Variants in UBE2QL1 observed in about 807,000 individuals in gnomAD.
The protein encoded by UBE2QL1 is ubiquitin-conjugating enzyme E2Q-like protein 1.
Under a neutral mutation model 12.6 loss-of-function variants are expected in UBE2QL1, and 5 were observed. That is an observed-to-expected ratio of 0.40 (90% CI 0.21 to 0.83). UBE2QL1 has a LOEUF of 0.83. UBE2QL1 is among the 40% of genes least tolerant of loss of function. The probability of loss-of-function intolerance (pLI) is 0.37; values close to 1 mark genes in which losing one functional copy is unlikely to be tolerated. For synonymous variants in UBE2QL1, 96 were observed against 94.5 expected, an observed-to-expected ratio of 1.02 and a Z score of -0.10; for missense variants, 99 against 222.6, an observed-to-expected ratio of 0.44 and a Z score of 3.53.
In UBE2QL1 at chr5:6,494,749, A is replaced by G. The variant is rs1202059791; in HGVS notation, c.*3400A>G. ...GTTAAAATACACATACCTGGTAATC[A>G]TATACTTGCTTTCTGTCCCCAGTTC... is the stretch of plus-strand genomic sequence containing the variant. On this transcript the variant is annotated 3_prime_UTR_variant, in exon 2 of 2. Coordinates refer to ENST00000399816, the MANE Select transcript of UBE2QL1 (RefSeq NM_001145161.3). 1 of 152,228 alleles carries G rather than the reference A, an allele frequency of 6.6e-6. No homozygotes were observed. Among genetic ancestry groups the G allele is most frequent in the Non-Finnish European group, 1.5e-5 (1 of 68,048 alleles). 9.4% of individuals were successfully genotyped at this position (152,228 alleles called of 1,614,324 possible). A position where few individuals can be genotyped will look rare whatever the true frequency, so the allele number is the denominator to read the frequency against.
intron 1 of UBE2QL1, among the ~76,000 whole-genome samples, chr5:6,476,000 T>G (rs867161478): frequency 1.3e-5 from 2 of 152,234 alleles, no homozygotes; most frequent in Admixed American, 1.3e-4. Flanking sequence ...ACACTTATTT[T>G]TTAAAGTATA....
chr5:6,456,802 G>A (rs2657020), intron 1 of UBE2QL1, among the ~76,000 whole-genome samples: 31,137 of 151,996 alleles, frequency 0.2, 3,468 homozygotes, highest in East Asian at 0.45. Context: ...TCAGGTGGCA[G>A]AGGATTGTGA....
chr5:6,472,778 C>A (rs775847765), intron 1 of UBE2QL1, among the ~76,000 whole-genome samples: 6 of 152,160 alleles, frequency 3.9e-5, no homozygotes, highest in Non-Finnish European at 8.8e-5. Context: ...AAAAGCCCTC[C>A]CTAATTTTGA....
At chr5:6,490,583 C>T (rs558333597) in intron 1 of UBE2QL1, among the ~76,000 whole-genome samples, 2 of 152,204 alleles carry the variant, frequency 1.3e-5, no homozygotes, top group Non-Finnish European at 2.9e-5. Flanking sequence ...GGATGGGTCT[C>T]TTCTTCCATG....
intron 1 of UBE2QL1, among the ~76,000 whole-genome samples, chr5:6,452,026 A>T (rs1739421822): frequency 6.6e-6 from 1 of 152,152 alleles, no homozygotes; most frequent in African/African-American, 2.4e-5. Flanking sequence ...CTTTTTTAGG[A>T]TGCATTTTCA....
At chr5:6,490,817 G>A (rs996422891) in intron 1 of UBE2QL1, among the ~76,000 whole-genome samples, 13 of 152,290 alleles carry the variant, frequency 8.5e-5, no homozygotes, top group East Asian at 1.9e-4. Flanking sequence ...AAGGAAGTTC[G>A]AACAGTATAT....
chr5:6,473,530 G>T (rs1734141066), intron 1 of UBE2QL1, among the ~76,000 whole-genome samples: 1 of 152,196 alleles, frequency 6.6e-6, no homozygotes, highest in Non-Finnish European at 1.5e-5. Context: ...TGACTGCAAG[G>T]GAGGCAGAAA....
chr5:6,468,718 T>C (rs1739845666), intron 1 of UBE2QL1, among the ~76,000 whole-genome samples: 1 of 152,240 alleles, frequency 6.6e-6, no homozygotes, highest in Non-Finnish European at 1.5e-5. Flanking sequence ...AGGAGAATTT[T>C]ACTCAGTTAA....
rs1475182748 is a variant in UBE2QL1 at position 6,476,321 on chromosome 5, G to A, written c.355-14897G>A. Among the ~76,000 whole-genome samples the A allele has an allele frequency of 6.6e-6, 1 of 152,246 alleles. No individual in the cohort carries two copies. The highest frequency in any genetic ancestry group is 2.4e-5 in the African/African-American group (1 of 41,468). On this transcript the variant is annotated intron_variant, in intron 1 of 1. Transcript: ENST00000399816. This position sits in a 1 kb window ranked among gnomAD's most constrained non-coding sequence, Gnocchi z 4.9. ...GGTGCCCTCAGGGCAAATGCACCAAGCATGGTTCCAGCTTATTTTGAGGTG... is the reference window on the plus strand; with the variant it reads ...GGTGCCCTCAGGGCAAATGCACCAAACATGGTTCCAGCTTATTTTGAGGTG...
intron 1 of UBE2QL1, among the ~76,000 whole-genome samples, chr5:6,469,102 A>G (rs1424106654): frequency 6.6e-6 from 1 of 151,916 alleles, no homozygotes; most frequent in African/African-American, 2.4e-5. Context: ...GGAATCTTGA[A>G]CTCTGCAAGA....
intron 1 of UBE2QL1, among the ~76,000 whole-genome samples, chr5:6,464,232 A>G (rs1406728279): frequency 1.3e-5 from 2 of 152,232 alleles, no homozygotes; most frequent in African/African-American, 4.8e-5. Context: ...GTTTTGAGCT[A>G]CATTTGGCAC....
At chr5:6,450,340 G>A (rs1205003372) in intron 1 of UBE2QL1, among the ~76,000 whole-genome samples, 1 of 152,190 alleles carries the variant, frequency 6.6e-6, no homozygotes, top group African/African-American at 2.4e-5. Flanking sequence ...TCAGATGGCA[G>A]CTTTACGCAA....
In UBE2QL1 at chr5:6,478,654, C is replaced by T. The variant is rs1223528886; in HGVS notation, c.355-12564C>T. Among the ~76,000 whole-genome samples, 3 of 151,748 alleles carry T rather than the reference C, an allele frequency of 2.0e-5. No homozygotes were observed. Among genetic ancestry groups the T allele is most frequent in the Admixed American group, 6.6e-5 (1 of 15,252 alleles). ...TTTTTTTGGACTTTAACAGCATCGC[C>T]GTACCTACTATCTGTGCTGAGAGAA... is the stretch of plus-strand genomic sequence containing the variant. On this transcript the variant is annotated intron_variant, in intron 1 of 1. Coordinates refer to ENST00000399816, the MANE Select transcript of UBE2QL1 (RefSeq NM_001145161.3). This position sits in a 1 kb window ranked among gnomAD's most constrained non-coding sequence, Gnocchi z 4.5.
chr5:6,483,453 A>T (rs1734404158), intron 1 of UBE2QL1, among the ~76,000 whole-genome samples: 1 of 151,702 alleles, frequency 6.6e-6, no homozygotes, highest in African/African-American at 2.4e-5. Context: ...AAGAAAAAAA[A>T]AAAAATGAGG....
chr5:6,456,608 C>A (rs1400036390), intron 1 of UBE2QL1, among the ~76,000 whole-genome samples: 1 of 152,196 alleles, frequency 6.6e-6, no homozygotes, highest in Non-Finnish European at 1.5e-5. Context: ...ATCATTCATT[C>A]ATTCACTGAG....
At position 6,476,003 on chromosome 5, in the gene UBE2QL1, A is replaced by G. The variant is rs2126358096; in HGVS notation, c.355-15215A>G. 6.6e-6 allele frequency among the ~76,000 whole-genome samples: 1 copy of G among 152,330 alleles called. No individual in the cohort carries two copies. Among genetic ancestry groups the G allele is most frequent in the South Asian group, 2.1e-4 (1 of 4,824 alleles). ...GCTTTATGAAATACACTTATTTTTT[A>G]AAGTATATTAGGATAACTTGTGATA... On this transcript the variant is annotated intron_variant, in intron 1 of 1. Transcript: ENST00000399816. This position sits in a 1 kb window ranked among gnomAD's most constrained non-coding sequence, Gnocchi z 4.9.
intron 1 of UBE2QL1, among the ~76,000 whole-genome samples, chr5:6,489,890 C>G (rs1734536139): frequency 6.6e-6 from 1 of 152,236 alleles, no homozygotes; most frequent in Non-Finnish European, 1.5e-5. Context: ...ATTCACATCC[C>G]AGTACGTGCC....
chr5:6,449,844 C>T (rs1263170613), intron 1 of UBE2QL1, among the ~76,000 whole-genome samples: 1 of 149,238 alleles, frequency 6.7e-6, no homozygotes, highest in Non-Finnish European at 1.5e-5. Flanking sequence ...AAGTGTCCAA[C>T]CTAGCTGATC....
At chr5:6,468,239 G>A (rs767725339) in intron 1 of UBE2QL1, among the ~76,000 whole-genome samples, 1 of 152,138 alleles carries the variant, frequency 6.6e-6, no homozygotes, top group East Asian at 1.9e-4. Flanking sequence ...GGTTGAGCGA[G>A]CCCCCTGCCC....
Sources: gnomAD v4.1 joint callset for allele counts (sites outside exome capture counted in the v4.1 genomes callset) on GRCh38, gnomAD v4.1.1 for gene constraint, Gnocchi (gnomAD v3.1) non-coding constraint, MANE v1.5 for transcripts, NCBI Gene and HGNC (gene_info 2026-07-23, HGNC 2026-07-21) for gene names.